TRAPPC9: variants seen among roughly 807,000 people sequenced by gnomAD.
TRAPPC9 encodes the protein IKK2 binding protein.
In TRAPPC9, 83 loss-of-function variants were observed where a neutral mutation model predicts 124.0. The observed-to-expected ratio is 0.67, with a 90% CI of 0.56 to 0.80. TRAPPC9 has a LOEUF of 0.80. TRAPPC9 is among the 30% of genes least tolerant of loss of function. The pLI, the probability that TRAPPC9 is intolerant of heterozygous loss-of-function variation, is 0.00. For missense variants in TRAPPC9, 1,302 were observed against 1,508.3 expected (o/e 0.86, Z 2.27); for synonymous variants, 638 against 617.5 (o/e 1.03, Z -0.49).
chr8:140,450,379 A>C (rs2071414335), intron 2 of TRAPPC9, among the ~76,000 whole-genome samples: 1 of 152,142 alleles, frequency 6.6e-6, no homozygotes, highest in African/African-American at 2.4e-5. Flanking sequence ...ATTAGCAAGA[A>C]AGTTTATTTT....
chr8:139,830,186 A>G (rs535254997), intron 21 of TRAPPC9, among the ~76,000 whole-genome samples: 5 of 152,290 alleles, frequency 3.3e-5, no homozygotes, highest in Admixed American at 2.0e-4. Context: ...ACACACATGT[A>G]TACAAACACA....
At chr8:140,458,111 A>C (rs999499621), upstream of TRAPPC9, among the ~76,000 whole-genome samples, 6 of 117,506 alleles carry the variant, frequency 5.1e-5, 1 homozygote, top group African/African-American at 1.8e-4. Context: ...GGGAGGGAAA[A>C]AGGAGGGGTG....
chr8:140,064,475 A>G (rs1842801431), intron 17 of TRAPPC9, among the ~76,000 whole-genome samples: 1 of 152,152 alleles, frequency 6.6e-6, no homozygotes, highest in Non-Finnish European at 1.5e-5. Context: ...TCTCTACCTG[A>G]TAGCACACGT....
chr8:139,887,013 C>T (rs1214205482), intron 20 of TRAPPC9, among the ~76,000 whole-genome samples: 2 of 152,108 alleles, frequency 1.3e-5, no homozygotes, highest in Non-Finnish European at 2.9e-5. Flanking sequence ...GGGAGTCGGG[C>T]TCAGAGGTGC....
chr8:140,446,534 G>A (rs1368384249), intron 2 of TRAPPC9, among the ~76,000 whole-genome samples: 6 of 152,064 alleles, frequency 3.9e-5, no homozygotes, highest in Non-Finnish European at 5.9e-5. Flanking sequence ...CATAAGGGGC[G>A]CAAAAGACTG....
intron 21 of TRAPPC9, among the ~76,000 whole-genome samples, chr8:139,783,204 A>G (rs970684689): frequency 2.0e-5 from 3 of 152,162 alleles, no homozygotes; most frequent in Non-Finnish European, 4.4e-5. Flanking sequence ...CAATGAAATA[A>G]CAAACAGAAA....
intron 17 of TRAPPC9, among the ~76,000 whole-genome samples, chr8:140,198,652 C>T (rs1332629858): frequency 2.0e-5 from 3 of 152,172 alleles, no homozygotes; most frequent in Non-Finnish European, 4.4e-5. Flanking sequence ...GCACAGTTGG[C>T]TCTGCGTGAA....
At chr8:140,453,972 G>A (rs2071560542) in intron 1 of TRAPPC9, among the ~76,000 whole-genome samples, 3 of 152,198 alleles carry the variant, frequency 2.0e-5, no homozygotes, top group Admixed American at 2.0e-4. Flanking sequence ...GCCCACCGCA[G>A]GTAACAAAGG....
At chr8:140,427,639 G>A (rs2070476518) in intron 4 of TRAPPC9, among the ~76,000 whole-genome samples, 1 of 152,108 alleles carries the variant, frequency 6.6e-6, no homozygotes, top group South Asian at 2.1e-4. Flanking sequence ...CTGGTTCCAA[G>A]AGTCATGTTT....
intron 21 of TRAPPC9, among the ~76,000 whole-genome samples, chr8:139,884,154 C>G (rs1433065638): frequency 6.6e-6 from 1 of 152,166 alleles, no homozygotes; most frequent in Non-Finnish European, 1.5e-5. Flanking sequence ...CTGTGCCTCT[C>G]CAATTCCAGA....
intron 17 of TRAPPC9, chr8:140,098,515 G>A (rs962681062): frequency 6.6e-6 from 1 of 152,138 alleles, no homozygotes; most frequent in Non-Finnish European, 1.5e-5. Flanking sequence ...ACCCGGCTAG[G>A]TCTCTGTACA....
chr8:139,865,137 C>A (rs1010218720), intron 21 of TRAPPC9, among the ~76,000 whole-genome samples: 1 of 152,200 alleles, frequency 6.6e-6, no homozygotes, highest in African/African-American at 2.4e-5. Context: ...GCCATCATCA[C>A]AACTAAGGCT....
intron 15 of TRAPPC9, among the ~76,000 whole-genome samples, chr8:140,262,372 G>A (rs1256131354): frequency 6.6e-6 from 1 of 150,768 alleles, no homozygotes; most frequent in African/African-American, 2.5e-5. Context: ...ATGCTCCCGA[G>A]GCGTTGAACA....
intron 7 of TRAPPC9, among the ~76,000 whole-genome samples, chr8:140,395,489 C>T (rs1033681115): frequency 1.6e-4 from 24 of 152,190 alleles, no homozygotes; most frequent in African/African-American, 5.6e-4. Context: ...GTGTGCTCAA[C>T]TCTCATGCTA....
At chr8:140,235,968 A>G (rs1587984600) in intron 16 of TRAPPC9, among the ~76,000 whole-genome samples, 2 of 152,228 alleles carry the variant, frequency 1.3e-5, no homozygotes, top group East Asian at 1.9e-4. Flanking sequence ...AAGAAGGAAA[A>G]AAACAAGAGA....
chr8:139,998,970 C>G (rs1464325024), intron 18 of TRAPPC9, among the ~76,000 whole-genome samples: 1 of 152,002 alleles, frequency 6.6e-6, no homozygotes, highest in African/African-American at 2.4e-5. Flanking sequence ...AACACTGAAA[C>G]AGCTCTACAA....
intron 21 of TRAPPC9, among the ~76,000 whole-genome samples, chr8:139,747,550 G>A (rs928491152): frequency 8.1e-6 from 1 of 122,750 alleles, no homozygotes; most frequent in Non-Finnish European, 1.7e-5. Context: ...GCAGGTAGGG[G>A]GGGCGTACAG....
In TRAPPC9 at chr8:140,217,062, A is replaced by G. The variant is rs561127647; in HGVS notation, c.2556+4397T>C. ...CCTAAAAAGGAGGCCCCTGAAATCC[A>G]TCACTGTGTCCCAACCCCGGGGCAC... On this transcript the variant is annotated intron_variant, in intron 17 of 22. Transcript: ENST00000438773. Among the ~76,000 whole-genome samples the G allele has an allele frequency of 2.6e-5, 4 of 152,278 alleles. No homozygotes were observed. In the South Asian group the frequency reaches 6.2e-4, roughly 24 times the overall value.
At chr8:140,185,758 C>T (rs2062339165) in intron 17 of TRAPPC9, among the ~76,000 whole-genome samples, 2 of 152,228 alleles carry the variant, frequency 1.3e-5, no homozygotes, top group South Asian at 4.1e-4. Flanking sequence ...GGGAACCCGG[C>T]ATTATTTCGC....
Sources: gnomAD v4.1 joint callset for allele counts (sites outside exome capture counted in the v4.1 genomes callset) on GRCh38, gnomAD v4.1.1 for gene constraint, MANE v1.5 for transcripts, NCBI Gene and HGNC (gene_info 2026-07-23, HGNC 2026-07-21) for gene names.